The following CDH13 variants were observed in gnomAD, a reference collection of about 807,000 sequenced individuals.
CDH13 encodes cadherin 13.
Under a neutral mutation model 63.8 loss-of-function variants are expected in CDH13, and 24 were observed. The observed-to-expected ratio is 0.38, with a 90% CI of 0.27 to 0.53. The LOEUF (loss-of-function observed/expected upper bound fraction) is 0.53, where lower values mean the gene tolerates loss of function less well. Ranked by LOEUF, CDH13 falls within the 20% of genes least tolerant of loss-of-function variation. The probability of loss-of-function intolerance (pLI) is 0.85; values close to 1 mark genes in which losing one functional copy is unlikely to be tolerated. For synonymous variants in CDH13, 503 were observed against 355.3 expected (o/e 1.42, Z -4.67); for missense variants, 1,049 against 903.1 (o/e 1.16, Z -2.07).
chr16:82,860,373 T>C (rs2039886702), intron 2 of CDH13, among the ~76,000 whole-genome samples: 1 of 51,962 alleles, frequency 1.9e-5, no homozygotes, highest in African/African-American at 8.1e-5. Flanking sequence ...AGTATCACAG[T>C]TGTGTGTGTG....
intron 2 of CDH13, among the ~76,000 whole-genome samples, chr16:82,914,254 A>T (rs1171947050): frequency 6.6e-6 from 1 of 152,152 alleles, no homozygotes; most frequent in Non-Finnish European, 1.5e-5. Flanking sequence ...TGTTAGTAAT[A>T]ATAATAATAA....
chr16:83,027,014 G>A (rs1248674572), intron 2 of CDH13, among the ~76,000 whole-genome samples: 1 of 151,856 alleles, frequency 6.6e-6, no homozygotes, highest in Non-Finnish European at 1.5e-5. Flanking sequence ...CCTGCTGCTG[G>A]GTTCAATGAA....
chr16:82,893,655 C>A (rs1053326842), intron 2 of CDH13, among the ~76,000 whole-genome samples: 1 of 152,104 alleles, frequency 6.6e-6, no homozygotes, highest in Non-Finnish European at 1.5e-5. Context: ...TGCCTCTGAG[C>A]GAAAGCTCAG....
intron 4 of CDH13, among the ~76,000 whole-genome samples, chr16:83,171,907 C>T (rs1346201705): frequency 6.6e-6 from 1 of 152,136 alleles, no homozygotes; most frequent in Non-Finnish European, 1.5e-5. Flanking sequence ...TGTCCCTCTG[C>T]ACTCTGTTAT....
chr16:83,749,677 T>C (rs190949273), intron 11 of CDH13, among the ~76,000 whole-genome samples: 22 of 152,170 alleles, frequency 1.4e-4, no homozygotes, highest in African/African-American at 4.6e-4. Context: ...GGACCAGATC[T>C]TGTGCTTGGT....
intron 3 of CDH13, among the ~76,000 whole-genome samples, chr16:83,054,504 T>C (rs565758094): frequency 6.6e-6 from 1 of 152,282 alleles, no homozygotes; most frequent in East Asian, 1.9e-4. Flanking sequence ...GACAAAGCCA[T>C]GATTCATGTC....
intron 5 of CDH13, among the ~76,000 whole-genome samples, chr16:83,223,186 A>G (rs2039748331): frequency 6.6e-6 from 1 of 152,202 alleles, no homozygotes; most frequent in South Asian, 2.1e-4. Context: ...TTTCTAGAGG[A>G]TGGACAATCC....
chr16:83,339,871 T>C (rs2090683617), intron 5 of CDH13, among the ~76,000 whole-genome samples: 1 of 152,174 alleles, frequency 6.6e-6, no homozygotes, highest in African/African-American at 2.4e-5. Context: ...AGAATCTGAT[T>C]TTACCCACTT....
chr16:82,937,337 G>A (rs994873829), intron 2 of CDH13, among the ~76,000 whole-genome samples: 9 of 151,932 alleles, frequency 5.9e-5, no homozygotes, highest in South Asian at 2.1e-4. Context: ...GAGGTTGGGC[G>A]AGGCAATCTT....
chr16:83,074,102 C>T (rs1331695817), intron 3 of CDH13, among the ~76,000 whole-genome samples: 2 of 152,124 alleles, frequency 1.3e-5, no homozygotes, highest in Non-Finnish European at 2.9e-5. Flanking sequence ...CTGTCTACTG[C>T]CTGTTTGTAC....
intron 1 of CDH13, among the ~76,000 whole-genome samples, chr16:82,679,953 ATCT>A (rs1360395270): frequency 6.6e-6 from 1 of 152,182 alleles, no homozygotes; most frequent in Non-Finnish European, 1.5e-5. Flanking sequence ...GTATATCGTG[ATCT>A]TCTTGACGGT....
intron 1 of CDH13, among the ~76,000 whole-genome samples, chr16:82,685,551 G>A (rs899969443): frequency 3.9e-5 from 6 of 152,202 alleles, no homozygotes; most frequent in African/African-American, 1.4e-4. Context: ...AGTGACATCT[G>A]GAGAAAGAAT....
At chr16:83,375,976 A>G (rs2091453324) in intron 6 of CDH13, among the ~76,000 whole-genome samples, 1 of 152,148 alleles carries the variant, frequency 6.6e-6, no homozygotes, top group African/African-American at 2.4e-5. Flanking sequence ...GCAGGGAAAA[A>G]AAATTGCATC....
chr16:82,804,947 A>T (rs1245419049), intron 1 of CDH13, among the ~76,000 whole-genome samples: 2 of 152,204 alleles, frequency 1.3e-5, no homozygotes, highest in Non-Finnish European at 2.9e-5. Flanking sequence ...TTTAAGCAGA[A>T]TTATTCATAG....
intron 2 of CDH13, among the ~76,000 whole-genome samples, chr16:83,003,547 T>G (rs943992219): frequency 1.3e-5 from 2 of 152,188 alleles, no homozygotes; most frequent in Admixed American, 6.5e-5. Context: ...AGAAGGAGCT[T>G]TATTTCATAC....
intron 8 of CDH13, among the ~76,000 whole-genome samples, chr16:83,643,287 A>AG (rs1911468316): frequency 1.2e-5 from 1 of 83,034 alleles, no homozygotes; most frequent in African/African-American, 4.1e-5. Context: ...GTATAATAAA[A>AG]AAAAAAAAAA....
intron 5 of CDH13, among the ~76,000 whole-genome samples, chr16:83,342,906 A>G (rs2090760103): frequency 7.8e-6 from 1 of 127,574 alleles, no homozygotes; most frequent in African/African-American, 3.0e-5. Flanking sequence ...TTTTGGGAAG[A>G]TGAAAAACCA....
intron 2 of CDH13, among the ~76,000 whole-genome samples, chr16:82,937,343 A>G (rs13332255): frequency 0.38 from 58,272 of 151,726 alleles, 15,081 homozygotes; most frequent in African/African-American, 0.74. Context: ...GGGCGAGGCA[A>G]TCTTTAAATG....
intron 2 of CDH13, among the ~76,000 whole-genome samples, chr16:82,925,127 G>A (rs1444816813): frequency 6.6e-6 from 1 of 152,074 alleles, no homozygotes; most frequent in East Asian, 1.9e-4. Flanking sequence ...CTAGTTGAGG[G>A]GAAGGGCAGA....
Sources: gnomAD v4.1 joint callset for allele counts (sites outside exome capture counted in the v4.1 genomes callset) on GRCh38, gnomAD v4.1.1 for gene constraint, MANE v1.5 for transcripts, NCBI Gene and HGNC (gene_info 2026-07-23, HGNC 2026-07-21) for gene names.